The following AGFG1 variants were observed in gnomAD, a reference collection of about 807,000 sequenced individuals.
AGFG1 encodes the protein ArfGAP with FG repeats 1.
A neutral mutation model predicts 60.6 loss-of-function variants in AGFG1; 10 were observed. The ratio of observed to expected loss-of-function variants is 0.16; its 90% CI spans 0.10 to 0.28. The LOEUF is 0.28. Among genes scored for constraint, AGFG1 ranks in the 10% least tolerant of loss-of-function variants. The pLI is 1.00. For synonymous variants in AGFG1, 247 were observed against 242.9 expected, an observed-to-expected ratio of 1.02 and a Z score of -0.16; for missense variants, 537 against 676.5, an observed-to-expected ratio of 0.79 and a Z score of 2.29.
chr2:227,495,788 T>A (rs193190300), intron 2 of AGFG1, among the ~76,000 whole-genome samples: 1 of 151,972 alleles, frequency 6.6e-6, no homozygotes, highest in East Asian at 1.9e-4. Context: ...CTTCCTAATA[T>A]GTTTGAAGAC....
chr2:227,536,362 G>A (rs376802895), intron 8 of AGFG1, among the ~76,000 whole-genome samples: 6 of 152,018 alleles, frequency 3.9e-5, no homozygotes, highest in Middle Eastern at 3.2e-3. Flanking sequence ...GCACCAAACT[G>A]TACTAGTCGT....
chr2:227,489,223 GTTTTTTTTTT>G (rs55762248), intron 1 of AGFG1, among the ~76,000 whole-genome samples: 6 of 74,782 alleles, frequency 8.0e-5, no homozygotes, highest in African/African-American at 2.9e-4. Flanking sequence ...AGTTTTGAGA[GTTTTTTTTTT>G]TTTTTTTTTT....
intron 2 of AGFG1, among the ~76,000 whole-genome samples, chr2:227,496,508 A>G (rs1312400902): frequency 1.3e-5 from 2 of 152,180 alleles, no homozygotes; most frequent in African/African-American, 4.8e-5. Context: ...TAGGGATACA[A>G]AAAGGGAGAT....
intron 1 of AGFG1, among the ~76,000 whole-genome samples, chr2:227,481,099 CTTTTTTTTT>C (rs36152184): frequency 9.2e-5 from 7 of 75,726 alleles, no homozygotes; most frequent in African/African-American, 1.6e-4. Context: ...GTGTTTTAGG[CTTTTTTTTT>C]TTTTTTTTTT....
At chr2:227,531,990 TA>T (rs1692176554) in intron 6 of AGFG1, 1 of 540,624 alleles carries the variant, frequency 1.8e-6, no homozygotes, top group Admixed American at 3.9e-5. Flanking sequence ...GCTGTTTTCG[TA>T]AACTCATGGA....
chr2:227,517,549 C>T (rs1691689798), intron 2 of AGFG1, among the ~76,000 whole-genome samples: 1 of 152,174 alleles, frequency 6.6e-6, no homozygotes, highest in Non-Finnish European at 1.5e-5. Context: ...GGATTACAGG[C>T]GTGAGCCACC....
chr2:227,543,421 T>C (rs10182549), intron 10 of AGFG1, among the ~76,000 whole-genome samples: 91,758 of 151,946 alleles, frequency 0.6, 27,737 homozygotes, highest in South Asian at 0.69. Context: ...CACCCAGTAG[T>C]CATTCAGGAG....
chr2:227,511,883 T>G (rs1323019043), intron 2 of AGFG1, among the ~76,000 whole-genome samples: 1 of 152,104 alleles, frequency 6.6e-6, no homozygotes, highest in East Asian at 1.9e-4. Flanking sequence ...CCCTTTGGAT[T>G]GGGTGGTTAG....
intron 10 of AGFG1, among the ~76,000 whole-genome samples, chr2:227,542,030 G>A (rs769696822): frequency 7.9e-5 from 12 of 152,018 alleles, no homozygotes; most frequent in Non-Finnish European, 1.6e-4. Context: ...TGTGATTTTT[G>A]CACATTGATT....
At chr2:227,525,444 A>AT (rs550842919) in intron 5 of AGFG1, among the ~76,000 whole-genome samples, 49 of 152,314 alleles carry the variant, frequency 3.2e-4, no homozygotes, top group Middle Eastern at 6.8e-3. Flanking sequence ...TATAGTTCAG[A>AT]TTTTTCCATA....
At chr2:227,504,709 G>A in intron 2 of AGFG1, among the ~76,000 whole-genome samples, 1 of 152,334 alleles carries the variant, frequency 6.6e-6, no homozygotes, top group South Asian at 2.1e-4. Context: ...TTTAGAAGTA[G>A]TGGTTTAATT....
rs574682450 is a variant in AGFG1, at chr2:227,561,119, A to G, written c.*6624A>G. On this transcript the variant is annotated 3_prime_UTR_variant, in exon 13 of 13. Transcript: ENST00000310078. ...TGTTTTCAATATTCATTTCTGAAAT[A>G]CTTTAGTATGATAGATAAATTTGGT... The G allele has an allele frequency of 1.3e-5, 2 of 152,302 alleles. No homozygotes were observed. The highest frequency in any genetic ancestry group is 4.8e-5 in the African/African-American group (2 of 41,584). 9.4% of individuals were successfully genotyped at this position (152,302 alleles called of 1,614,324 possible).
Position 227,487,249 on chromosome 2 carries a change from CT to C in AGFG1, c.168-4291del, listed in dbSNP as rs375691038. The stretch of plus-strand genomic sequence containing the variant: ...CTTGGACTTTCCATTATTTCTTACC[CT>C]TTTTTTCTACTGCAGAGTAAGTTAT... On this transcript the variant is annotated intron_variant, in intron 1 of 12. Coordinates refer to ENST00000310078, the MANE Select transcript of AGFG1 (RefSeq NM_004504.5). Among the ~76,000 whole-genome samples, 321 of 152,150 alleles carry C rather than the reference CT, an allele frequency of 2.1e-3. 2 individuals are homozygous for C. Among genetic ancestry groups the C allele is most frequent in the African/African-American group, 7.5e-3 (312 of 41,530 alleles).
chr2:227,548,932 G>A (rs890287186), intron 10 of AGFG1, among the ~76,000 whole-genome samples: 5 of 151,690 alleles, frequency 3.3e-5, no homozygotes, highest in East Asian at 1.9e-4. Flanking sequence ...GCGAGACTCC[G>A]TCTCAAAAAG....
chr2:227,532,227 G>A (rs1446466147), intron 6 of AGFG1: 9 of 1,531,746 alleles, frequency 5.9e-6, no homozygotes, highest in Non-Finnish European at 7.9e-6. Context: ...CTGTTGTCAA[G>A]TAGGCATCTT....
chr2:227,472,903 C>T (rs113640201), intron 1 of AGFG1, among the ~76,000 whole-genome samples: 23,107 of 148,318 alleles, frequency 0.16, 1,900 homozygotes, highest in East Asian at 0.21. Context: ...CCCTGGTCTC[C>T]GTCGAGCCTG....
At chr2:227,507,419 G>A (rs1002040805) in intron 2 of AGFG1, among the ~76,000 whole-genome samples, 14 of 151,924 alleles carry the variant, frequency 9.2e-5, no homozygotes, top group African/African-American at 3.4e-4. Context: ...TGGCTAACAT[G>A]GTGAAATCCT....
chr2:227,513,610 G>C (rs1363226996), intron 2 of AGFG1, among the ~76,000 whole-genome samples: 1 of 152,150 alleles, frequency 6.6e-6, no homozygotes, highest in African/African-American at 2.4e-5. Flanking sequence ...ACTCTCACTT[G>C]TGATTTCCTT....
intron 1 of AGFG1, among the ~76,000 whole-genome samples, chr2:227,476,212 A>T (rs960761884): frequency 6.6e-6 from 1 of 152,202 alleles, no homozygotes; most frequent in Non-Finnish European, 1.5e-5. Flanking sequence ...AAGGCATCCT[A>T]ACTGATTGGT....
Sources: allele counts gnomAD v4.1 joint callset (sites outside exome capture counted in the v4.1 genomes callset), GRCh38; gene constraint gnomAD v4.1.1; transcripts MANE v1.5; gene names NCBI Gene and HGNC (gene_info 2026-07-23, HGNC 2026-07-21).